Variants in TEP1 observed in about 807,000 individuals in gnomAD.
TEP1 encodes the protein telomerase associated protein 1.
In TEP1, 241 loss-of-function variants were observed where a neutral mutation model predicts 306.3. That is an observed-to-expected ratio of 0.79 (90% CI 0.71 to 0.88). The LOEUF is 0.88. Among genes scored for constraint, TEP1 ranks in the 40% least tolerant of loss-of-function variants. The pLI is 0.00. For missense variants in TEP1, 3,051 were observed against 3,276.1 expected, an observed-to-expected ratio of 0.93 and a Z score of 1.68; for synonymous variants, 1,289 against 1,305.5, an observed-to-expected ratio of 0.99 and a Z score of 0.27.
intron 49 of TEP1, 100 bp from the exon 50 acceptor site, chr14:20,371,732 G>A (rs1884854552): frequency 6.6e-6 from 9 of 1,362,004 alleles, no homozygotes; most frequent in Non-Finnish European, 7.8e-6. Context: ...GAAGTACAAA[G>A]CAAAATGTAT....
chr14:20,381,155 T>C lies in TEP1; in HGVS notation c.4648-110A>G. 5.7e-6 allele frequency: 7 copies of C among 1,229,836 alleles called. No individual in the cohort carries two copies. In the South Asian group the frequency reaches 8.6e-5, roughly 15 times the overall value. 76.2% of individuals were successfully genotyped at this position (1,229,836 alleles called of 1,614,324 possible). On this transcript the variant is annotated intron_variant, in intron 32 of 54. Transcript: ENST00000262715. This position sits in a 1 kb window ranked among gnomAD's most constrained non-coding sequence, Gnocchi z 4.0. ...TAGGATCTGAGCTGGGACAAAGGAC[T>C]TGAAGAAGAAGGGCAGGAAAACTGA... is the stretch of plus-strand genomic sequence containing the variant.
chr14:20,404,981 G>C (rs909259439), intron 4 of TEP1, among the ~76,000 whole-genome samples: 1 of 152,148 alleles, frequency 6.6e-6, no homozygotes, highest in African/African-American at 2.4e-5. Flanking sequence ...GTCTTCTTCT[G>C]AGTCTACTGA....
In TEP1 at chr14:20,379,124, G is replaced by A. The variant is rs751162044; in HGVS notation, c.5128-19C>T. Reference sequence around the variant, plus strand: ...TCTCCTCCTGCGACAGTGGGTGAGGGAGCGCAGCTCAGGCCATCCCCTTGA... The same window carrying A: ...TCTCCTCCTGCGACAGTGGGTGAGGAAGCGCAGCTCAGGCCATCCCCTTGA... On this transcript the variant is annotated intron_variant, in intron 35 of 54. Transcript: ENST00000262715. 4.3e-6 allele frequency: 7 copies of A among 1,612,966 alleles called. No individual in the cohort carries two copies. In the African/African-American group the frequency reaches 6.7e-5, roughly 15 times the overall value.
intron 17 of TEP1, among the ~76,000 whole-genome samples, chr14:20,389,027 A>G (rs1877465877): frequency 6.6e-6 from 1 of 152,134 alleles, no homozygotes; most frequent in Non-Finnish European, 1.5e-5. Context: ...GCATGTCTGT[A>G]GTCCCAGGTA....
intron 12 of TEP1, among the ~76,000 whole-genome samples, chr14:20,392,292 T>G (rs1426236779): frequency 6.6e-6 from 1 of 152,182 alleles, no homozygotes; most frequent in African/African-American, 2.4e-5. Context: ...ATGAAACAAT[T>G]GGTTCACGCA....
rs1250200419 is a variant in TEP1 at position 20,374,386 on chromosome 14, C to A, written c.6471+43G>T. 3 of 1,471,968 alleles carry A rather than the reference C, an allele frequency of 2.0e-6. No individual in the cohort carries two copies. The East Asian group carries it at 6.9e-5, about 34-fold the overall frequency. 91.2% of individuals were successfully genotyped at this position (1,471,968 alleles called of 1,614,324 possible). On this transcript the variant is annotated intron_variant, in intron 44 of 54. Coordinates refer to ENST00000262715, the MANE Select transcript of TEP1 (RefSeq NM_007110.5). ...GCACCGTCTCCCAAAGCCCCCTTAG[C>A]CCTTCCAGAGACCCCCCAGTGGGAT...
At chr14:20,373,475 C>T (rs1332149205) in intron 46 of TEP1, 32 bp downstream of exon 46, 1 of 1,613,992 alleles carries the variant, frequency 6.2e-7, no homozygotes, top group Non-Finnish European at 8.5e-7. Flanking sequence ...CCTTCCCCAC[C>T]TCCCTTGACT....
Position 20,377,464 on chromosome 14 carries a change from C to T in TEP1, c.5904G>A (p.Leu1968=). Residue 1968 remains leucine (L), a synonymous_variant, in exon 41 of 55, where the codon CTG becomes CTA. Transcript: ENST00000262715. ...SGSQGAQGQA[L]DVAVSALAWL... Reference sequence around the variant, plus strand: ...AGGCCAGGGCGGACACTGCCACATCCAGTGCCTGACCCTGAGCCCCCTGGG... The same window carrying T: ...AGGCCAGGGCGGACACTGCCACATCTAGTGCCTGACCCTGAGCCCCCTGGG... 6.2e-7 allele frequency: 1 copy of T among 1,614,080 alleles called. No individual in the cohort carries two copies. The highest frequency in any genetic ancestry group is 8.5e-7 in the Non-Finnish European group (1 of 1,179,986).
At chr14:20,386,739 AT>A in intron 18 of TEP1, 116 bp from the exon 19 acceptor site, 1 of 1,198,300 alleles carries the variant, frequency 8.3e-7, no homozygotes, top group Non-Finnish European at 1.1e-6. Context: ...CAGACAGCAG[AT>A]GGGTGCCCAG....
At chr14:20,403,037 G>T (rs899592094) in intron 7 of TEP1, among the ~76,000 whole-genome samples, 1 of 151,780 alleles carries the variant, frequency 6.6e-6, no homozygotes, top group African/African-American at 2.4e-5. Context: ...CACGCCTGTA[G>T]TCCCAGCTAT....
Position 20,396,693 on chromosome 14 carries a change from G to C in TEP1, c.1587C>G (p.Asn529Lys), listed in dbSNP as rs1311642805. ...GKLPFMAMLR[N>K]LCNLLRVGIS... ...TTCCAACCCGCAGCAGGTTGCACAG[G>C]TTCCGAAGCATGGCCATGAAGGGAA... The change falls in exon 10 of 55, where the codon AAC becomes AAG. Residue 529 changes from asparagine (N) to lysine (K), a missense_variant. This residue lies in a region of TEP1 where 1,507 missense variants were observed against 1,550.5 expected (regional missense o/e 0.97). Transcript: ENST00000262715. The C allele has an allele frequency of 6.2e-7, 1 of 1,611,892 alleles. No individual in the cohort carries two copies. The highest frequency in any genetic ancestry group is 1.1e-5 in the South Asian group (1 of 90,916).
At chr14:20,389,512 T>A (rs945108821) in intron 16 of TEP1, 98 bp downstream of exon 16, 2 of 1,549,436 alleles carry the variant, frequency 1.3e-6, no homozygotes, top group African/African-American at 2.7e-5. Flanking sequence ...GTTGGGGAGA[T>A]CCCTGCCAAG....
Position 20,368,237 on chromosome 14 carries a change from G to A in TEP1, c.*200C>T, listed in dbSNP as rs1884588544. On this transcript the variant is annotated 3_prime_UTR_variant, in exon 55 of 55. Coordinates refer to ENST00000262715, the MANE Select transcript of TEP1 (RefSeq NM_007110.5). ...AATAAGAAGAGACACACATTAGAAT[G>A]TACATATACATACACATAGAATATC... The A allele has an allele frequency of 8.0e-6, 4 of 503,038 alleles. No homozygotes were observed. Among genetic ancestry groups the A allele is most frequent in the Non-Finnish European group, 1.4e-5 (4 of 291,866 alleles). 31.2% of individuals were successfully genotyped at this position (503,038 alleles called of 1,614,324 possible). A position where few individuals can be genotyped will look rare whatever the true frequency, so the allele number is the denominator to read the frequency against.
chr14:20,404,216 G>A (rs952390201), intron 5 of TEP1, among the ~76,000 whole-genome samples: 10 of 152,066 alleles, frequency 6.6e-5, no homozygotes, highest in African/African-American at 2.4e-4. Flanking sequence ...TTAGCCAGGC[G>A]TGGTGGCGCA....
At chr14:20,396,815 A>T in intron 9 of TEP1, 85 bp from the exon 10 acceptor site, 5 of 906,208 alleles carry the variant, frequency 5.5e-6, no homozygotes, top group Non-Finnish European at 6.7e-6. Context: ...GCTACCAAGG[A>T]GGCTGAGACA....
At chr14:20,382,560 A>G in intron 28 of TEP1, 63 bp downstream of exon 28, 1 of 1,597,326 alleles carries the variant, frequency 6.3e-7, no homozygotes, top group Non-Finnish European at 8.6e-7. Context: ...TAGGGATGAG[A>G]CAAAGCAGCT....
Position 20,383,540 on chromosome 14 carries a change from A to G in TEP1, c.3815T>C (p.Val1272Ala). The G allele has an allele frequency of 2.5e-6, 4 of 1,614,238 alleles. No individual in the cohort carries two copies. In the South Asian group the frequency reaches 4.4e-5, roughly 18 times the overall value. ...VLIIDGADRL[V>A]DQNGQLISDW... is the part of the protein sequence containing the mutation. ...TGAAATCAGCTGCCCATTCTGGTCC[A>G]CTAACCTATCAGCCCCATCGATGAT... Residue 1272 changes from valine (V) to alanine (A), a missense_variant, in exon 26 of 55, where the codon GTG becomes GCG. Physicochemically the swap from Val to Ala is moderately conservative, Grantham distance 64. Coordinates refer to ENST00000262715, the MANE Select transcript of TEP1 (RefSeq NM_007110.5).
At chr14:20,404,585 C>A in intron 5 of TEP1, 26 bp downstream of exon 5, 3 of 1,599,390 alleles carry the variant, frequency 1.9e-6, no homozygotes, top group Non-Finnish European at 2.6e-6. Context: ...AGTGAAGGCC[C>A]AAGCTCAGGG....
chr14:20,376,976 G>A (rs560208828), intron 41 of TEP1, among the ~76,000 whole-genome samples: 2 of 152,312 alleles, frequency 1.3e-5, no homozygotes, highest in South Asian at 4.1e-4. Flanking sequence ...AGCACTTTGG[G>A]AGGCCGAGGT....
Sources: gnomAD v4.1 joint callset for allele counts (sites outside exome capture counted in the v4.1 genomes callset) on GRCh38, gnomAD v4.1.1 for gene constraint, gnomAD v4.1.1 regional missense constraint, Gnocchi (gnomAD v3.1) non-coding constraint, MANE v1.5 for transcripts, NCBI Gene and HGNC (gene_info 2026-07-23, HGNC 2026-07-21) for gene names.